Variants in VRTN observed in about 807,000 individuals in gnomAD.
The protein encoded by VRTN is vertnin.
A neutral mutation model predicts 18.2 loss-of-function variants in VRTN; 5 were observed. That is an observed-to-expected ratio of 0.27 (90% CI 0.14 to 0.58). The LOEUF is 0.58. Ranked by LOEUF, VRTN falls within the 20% of genes least tolerant of loss-of-function variation. VRTN has a pLI of 0.91. For synonymous variants in VRTN, 381 were observed against 393.7 expected, an observed-to-expected ratio of 0.97 and a Z score of 0.38; for missense variants, 741 against 939.4, an observed-to-expected ratio of 0.79 and a Z score of 2.76.
At chr14:74,324,812 A>G (rs1184167005) in intron 1 of VRTN, among the ~76,000 whole-genome samples, 1 of 151,816 alleles carries the variant, frequency 6.6e-6, no homozygotes, top group Non-Finnish European at 1.5e-5. Flanking sequence ...GCTTGAGCCC[A>G]GGAGGTGGAG....
At chr14:74,344,119 T>C (rs1038116934), upstream of VRTN, among the ~76,000 whole-genome samples, 20 of 150,902 alleles carry the variant, frequency 1.3e-4, no homozygotes, top group Non-Finnish European at 5.9e-5. Flanking sequence ...TTAAAAAATG[T>C]GTTTACCGGC....
At chr14:74,311,619 AG>A (rs1001775651) in intron 1 of VRTN, among the ~76,000 whole-genome samples, 1 of 152,164 alleles carries the variant, frequency 6.6e-6, no homozygotes, top group Non-Finnish European at 1.5e-5. Flanking sequence ...CATGTTGGCC[AG>A]GCTGGTCTTG....
chr14:74,344,389 G>T (rs1003398708), upstream of VRTN, among the ~76,000 whole-genome samples: 18 of 125,128 alleles, frequency 1.4e-4, no homozygotes, highest in South Asian at 2.7e-4. Flanking sequence ...CAGCCTGGGT[G>T]ACAGAGCAAG....
upstream of VRTN, among the ~76,000 whole-genome samples, chr14:74,348,046 G>C (rs2085655168): frequency 6.6e-6 from 1 of 152,178 alleles, no homozygotes; most frequent in Non-Finnish European, 1.5e-5. Context: ...GGTGAGAGCT[G>C]CCTCACAAAG....
intron 2 of VRTN, among the ~76,000 whole-genome samples, chr14:74,340,699 G>T (rs2085599266): frequency 6.6e-6 from 1 of 152,180 alleles, no homozygotes; most frequent in Non-Finnish European, 1.5e-5. Context: ...AAATGCACAA[G>T]TGAATAAATA....
At chr14:74,306,908 TA>T (rs2085356243) in intron 1 of VRTN, among the ~76,000 whole-genome samples, 1 of 152,016 alleles carries the variant, frequency 6.6e-6, no homozygotes, top group African/African-American at 2.4e-5. Context: ...TCCTGGCCTC[TA>T]GTTGTTTTAA....
At position 74,308,866 on chromosome 14, in the gene VRTN, GTTT is replaced by G. The variant is rs11290399; in HGVS notation, c.-164+5704_-164+5706del. ...TTGCCTATTGCTCCAACTTCTGTTT[GTTT>G]TTTTTTTTTTTTTGAGACAGTCTTG... is the stretch of plus-strand genomic sequence containing the variant. On this transcript the variant is annotated intron_variant, in intron 1 of 2. Transcript: ENST00000557177. 1.6e-3 allele frequency among the ~76,000 whole-genome samples: 235 copies of G among 144,774 alleles called. 1 individual carries two copies. The highest frequency in any genetic ancestry group is 5.3e-3 in the Admixed American group (77 of 14,488). The allele number at this position is 144,774 out of a possible 152,430, so 95.0% of individuals were successfully genotyped here.
intron 1 of VRTN, among the ~76,000 whole-genome samples, chr14:74,314,466 G>A (rs1056320624): frequency 2.9e-5 from 4 of 138,730 alleles, no homozygotes; most frequent in African/African-American, 5.6e-5. Flanking sequence ...GCACAATCTC[G>A]GCTCACTGCA....
In VRTN at chr14:74,320,921, A is replaced by AAGCAGC. The variant is rs889641548; in HGVS notation, c.-163-16785_-163-16780dup. ...TTTAAAAAAAAAAAAAAAAAAAAAAAAGCAGCAGCAGCAGCAGCAGCAAGG... is the reference window on the plus strand; with the variant it reads ...TTTAAAAAAAAAAAAAAAAAAAAAAAAGCAGCAGCAGCAGCAGCAGCAGCAGCAAGG... On this transcript the variant is annotated intron_variant, in intron 1 of 2. Transcript: ENST00000557177. 7.6e-5 allele frequency among the ~76,000 whole-genome samples: 11 copies of AAGCAGC among 144,096 alleles called. 1 individual carries two copies. The South Asian group carries it at 1.7e-3, about 23-fold the overall frequency. 94.5% of individuals were successfully genotyped at this position (144,096 alleles called of 152,430 possible).
chr14:74,348,790 G>GT (rs2085661983), intron 1 of VRTN, 138 bp downstream of exon 1: 1 of 152,374 alleles, frequency 6.6e-6, no homozygotes, highest in African/African-American at 2.4e-5. Flanking sequence ...AAGATGCTGT[G>GT]GTGTATGTGT....
intron 1 of VRTN, among the ~76,000 whole-genome samples, chr14:74,336,384 GCAA>G (rs2085564531): frequency 6.6e-6 from 1 of 151,942 alleles, no homozygotes; most frequent in African/African-American, 2.4e-5. Context: ...TCCAGCCTAG[GCAA>G]CAAGAGTGAA....
At chr14:74,336,524 A>T (rs548238114) in intron 1 of VRTN, among the ~76,000 whole-genome samples, 1 of 152,182 alleles carries the variant, frequency 6.6e-6, no homozygotes, top group Admixed American at 6.5e-5. Flanking sequence ...ATATATATAC[A>T]TACATAATAG....
At chr14:74,356,659 G>T in intron 1 of VRTN, 124 bp from the exon 2 acceptor site, 1 of 1,307,032 alleles carries the variant, frequency 7.7e-7, no homozygotes, top group East Asian at 2.5e-5. Context: ...GTCTGTTGTG[G>T]GAGGACGGGA....
intron 1 of VRTN, among the ~76,000 whole-genome samples, chr14:74,323,352 G>A (rs1430307858): frequency 1.3e-5 from 2 of 152,062 alleles, no homozygotes; most frequent in African/African-American, 4.8e-5. Context: ...GGGAGGCCGA[G>A]GCGGGCAGAT....
intron 1 of VRTN, among the ~76,000 whole-genome samples, chr14:74,337,341 C>CA (rs1009105384): frequency 6.6e-6 from 1 of 150,854 alleles, no homozygotes; most frequent in Non-Finnish European, 1.5e-5. Flanking sequence ...GACCCTGCCT[C>CA]AAAAAAACAA....
chr14:74,327,398 C>A (rs182447353), intron 1 of VRTN, among the ~76,000 whole-genome samples: 136 of 152,292 alleles, frequency 8.9e-4, no homozygotes, highest in African/African-American at 3.2e-3. Flanking sequence ...CACTGTTTAC[C>A]TGTTTACCGA....
chr14:74,333,305 C>T (rs1292448598), intron 1 of VRTN, among the ~76,000 whole-genome samples: 1 of 152,040 alleles, frequency 6.6e-6, no homozygotes, highest in Admixed American at 6.6e-5. Context: ...ACTGCTTGAA[C>T]CCAGAAGGCG....
chr14:74,357,847 T>C lies in VRTN; in HGVS notation c.1064T>C (p.Leu355Pro), dbSNP rs1399061828. 1.2e-6 allele frequency: 2 copies of C among 1,613,816 alleles called. No individual in the cohort carries two copies. Among genetic ancestry groups the C allele is most frequent in the East Asian group, 4.5e-5 (2 of 44,864 alleles). ...TACTATGCCTGGAAGCATGAGCTGC[T>C]GGGCTCTGGCACCTGCCCGGCCTTG... ...STYYAWKHEL[L>P]GSGTCPALPP... Residue 355 changes from leucine (L) to proline (P), a missense_variant, in exon 2 of 2, where the codon CTG becomes CCG. Leu to Pro is a moderately conservative substitution (Grantham distance 98, BLOSUM62 -3). Around this residue, in one of 3 missense-constraint regions of VRTN, gnomAD observed 494 missense variants for 546.5 expected, o/e 0.90. Coordinates refer to ENST00000256362, the MANE Select transcript of VRTN (RefSeq NM_018228.3). This position sits in a 1 kb window ranked among gnomAD's most constrained non-coding sequence, Gnocchi z 7.8.
upstream of VRTN, among the ~76,000 whole-genome samples, chr14:74,347,119 G>A (rs566919674): frequency 6.6e-6 from 1 of 152,318 alleles, no homozygotes; most frequent in South Asian, 2.1e-4. Context: ...GTACCAAGCA[G>A]AGTTCTAAAT....
Sources: gnomAD v4.1 joint callset for allele counts (sites outside exome capture counted in the v4.1 genomes callset) on GRCh38, gnomAD v4.1.1 for gene constraint, gnomAD v4.1.1 regional missense constraint, Gnocchi (gnomAD v3.1) non-coding constraint, MANE v1.5 for transcripts, NCBI Gene and HGNC (gene_info 2026-07-23, HGNC 2026-07-21) for gene names.